Variants in PIWIL2 observed in about 807,000 individuals in gnomAD.
The protein encoded by PIWIL2 is piwi-like protein 2.
In PIWIL2, 81 loss-of-function variants were observed where a neutral mutation model predicts 116.5. The observed-to-expected ratio is 0.70, with a 90% CI of 0.58 to 0.84. The LOEUF (loss-of-function observed/expected upper bound fraction) is 0.84, where lower values mean the gene tolerates loss of function less well. Ranked by LOEUF, PIWIL2 falls within the 40% of genes least tolerant of loss-of-function variation. The pLI is 0.00. For synonymous variants in PIWIL2, 489 were observed against 429.5 expected (o/e 1.14, Z -1.71); for missense variants, 1,272 against 1,212.3 (o/e 1.05, Z -0.73).
At chr8:22,287,831 A>G (rs567145222) in intron 7 of PIWIL2, among the ~76,000 whole-genome samples, 186 bp downstream of exon 7, 2 of 152,326 alleles carry the variant, frequency 1.3e-5, no homozygotes, top group African/African-American at 4.8e-5. Context: ...TTTGAGGGGT[A>G]GGAAACCATA....
intron 20 of PIWIL2, among the ~76,000 whole-genome samples, chr8:22,339,250 G>A (rs1452661346): frequency 1.3e-5 from 2 of 152,292 alleles, no homozygotes; most frequent in Admixed American, 1.3e-4. Flanking sequence ...GCTCATGCCT[G>A]TAATCCCAGC....
chr8:22,333,887 A>G (rs950877107), intron 20 of PIWIL2, among the ~76,000 whole-genome samples: 2 of 152,082 alleles, frequency 1.3e-5, no homozygotes, highest in Non-Finnish European at 2.9e-5. Context: ...TCAGATTCAC[A>G]GAGGCAGATG....
chr8:22,337,748 T>C (rs1472146251), intron 20 of PIWIL2, among the ~76,000 whole-genome samples: 1 of 151,006 alleles, frequency 6.6e-6, no homozygotes, highest in Non-Finnish European at 1.5e-5. Flanking sequence ...AAATTAATAA[T>C]AAATAAATAA....
At chr8:22,299,790 GC>G (rs1414067715) in intron 10 of PIWIL2, among the ~76,000 whole-genome samples, 1 of 152,144 alleles carries the variant, frequency 6.6e-6, no homozygotes, top group African/African-American at 2.4e-5. Flanking sequence ...TCTCTCTGAA[GC>G]CTCTTCCCAC....
intron 1 of PIWIL2, chr8:22,275,778 C>G (rs1830351357): frequency 6.6e-6 from 1 of 152,336 alleles, no homozygotes; most frequent in Non-Finnish European, 1.5e-5. Flanking sequence ...GCCCGAGTCG[C>G]GAGGCCTCAG....
At chr8:22,277,025 A>C (rs1373912439) in intron 1 of PIWIL2, among the ~76,000 whole-genome samples, 1 of 134,636 alleles carries the variant, frequency 7.4e-6, no homozygotes, top group African/African-American at 3.1e-5. Flanking sequence ...AGTGATATAT[A>C]TATATATATT....
intron 6 of PIWIL2, among the ~76,000 whole-genome samples, chr8:22,284,590 A>T (rs1396858295): frequency 6.6e-6 from 1 of 152,036 alleles, no homozygotes; most frequent in Non-Finnish European, 1.5e-5. Context: ...ATGATCTTTT[A>T]ACTTATTTTG....
At chr8:22,347,111 C>T (rs1354092341) in intron 20 of PIWIL2, among the ~76,000 whole-genome samples, 3 of 148,582 alleles carry the variant, frequency 2.0e-5, no homozygotes, top group African/African-American at 5.0e-5. Context: ...GTTCAGACTG[C>T]ATGAGCCATC....
intron 4 of PIWIL2, among the ~76,000 whole-genome samples, chr8:22,281,767 A>ATTTTTTTTTTT (rs1313870060): frequency 8.4e-6 from 1 of 118,542 alleles, no homozygotes; most frequent in Non-Finnish European, 1.8e-5. Context: ...GATCATGGTG[A>ATTTTTTTTTTT]TTTTTTTTTT....
intron 20 of PIWIL2, among the ~76,000 whole-genome samples, chr8:22,351,440 C>CATATATATATATATATATATATAT (rs71544885): frequency 2.5e-4 from 13 of 52,920 alleles, no homozygotes; most frequent in East Asian, 1.3e-3. Context: ...TGCATACATA[C>CATATATATATATATATATATATAT]ATATATATAT....
Position 22,353,018 on chromosome 8 carries a change from A to C in PIWIL2, c.2463A>C (p.Gln821His). ...ACCGTGATGGAGTGTCTGATGGCCA[A>C]CTGAAGACAGTTGCCAACTATGAGA... ...VVYRDGVSDG[Q>H]LKTVANYEIP... Residue 821 changes from glutamine to histidine, a missense_variant, in exon 21 of 23, where the codon CAA becomes CAC. Gln to His is a conservative substitution (Grantham distance 24). Transcript: ENST00000356766. 2 of 1,613,644 alleles carry C rather than the reference A, an allele frequency of 1.2e-6. No homozygotes were observed. Among genetic ancestry groups the C allele is most frequent in the South Asian group, 1.1e-5 (1 of 91,074 alleles).
intron 20 of PIWIL2, 130 bp downstream of exon 20, chr8:22,318,405 C>CAT: frequency 1.8e-6 from 1 of 566,418 alleles, no homozygotes; most frequent in Non-Finnish European, 3.2e-6. Context: ...GCAACCTCTG[C>CAT]CTCCTGGGTT....
chr8:22,294,079 T>G (rs1830827989), intron 10 of PIWIL2, among the ~76,000 whole-genome samples: 1 of 152,210 alleles, frequency 6.6e-6, no homozygotes, highest in Non-Finnish European at 1.5e-5. Flanking sequence ...GGCTCACCTC[T>G]GTAATCCTGA....
Position 22,351,726 on chromosome 8 carries a change from C to T in PIWIL2, c.2404-1233C>T, listed in dbSNP as rs186246036. 3.9e-3 allele frequency among the ~76,000 whole-genome samples: 595 copies of T among 150,728 alleles called. 5 individuals carry two copies. Among genetic ancestry groups the T allele is most frequent in the African/African-American group, 0.014 (572 of 41,112 alleles). On this transcript the variant is annotated intron_variant, in intron 20 of 22. Coordinates refer to ENST00000356766, the MANE Select transcript of PIWIL2 (RefSeq NM_018068.5). ...CTAATTTTTGTATTTTTAGTAGAGACGAGGGTTTCACCATGTTGGCCAGGG... is the reference window on the plus strand; with the variant it reads ...CTAATTTTTGTATTTTTAGTAGAGATGAGGGTTTCACCATGTTGGCCAGGG...
At chr8:22,348,446 C>T (rs1255525410) in intron 20 of PIWIL2, among the ~76,000 whole-genome samples, 5 of 151,946 alleles carry the variant, frequency 3.3e-5, no homozygotes, top group African/African-American at 1.2e-4. Flanking sequence ...GACCCTTGCC[C>T]CTCTGCGCAG....
intron 20 of PIWIL2, among the ~76,000 whole-genome samples, chr8:22,323,801 C>T (rs1293342761): frequency 6.6e-6 from 1 of 152,168 alleles, no homozygotes; most frequent in Non-Finnish European, 1.5e-5. Flanking sequence ...TAAAGTGTCT[C>T]CCAGATATGT....
At chr8:22,354,853 T>C (rs911896417) in intron 22 of PIWIL2, among the ~76,000 whole-genome samples, 3 of 152,200 alleles carry the variant, frequency 2.0e-5, no homozygotes, top group Non-Finnish European at 2.9e-5. Flanking sequence ...GCGGATCACC[T>C]GAGGCCAGGA....
chr8:22,297,536 G>T (rs773607078), intron 10 of PIWIL2, among the ~76,000 whole-genome samples: 10 of 151,758 alleles, frequency 6.6e-5, no homozygotes, highest in Admixed American at 2.6e-4. Flanking sequence ...ATCTAGTTGT[G>T]ATTTCTGTTA....
At chr8:22,294,957 T>C (rs1830861494) in intron 10 of PIWIL2, among the ~76,000 whole-genome samples, 1 of 148,356 alleles carries the variant, frequency 6.7e-6, no homozygotes, top group Non-Finnish European at 1.5e-5. Context: ...CGCAGGGCTG[T>C]AGTCCCAGCT....
Sources: allele counts gnomAD v4.1 joint callset (sites outside exome capture counted in the v4.1 genomes callset), GRCh38; gene constraint gnomAD v4.1.1; transcripts MANE v1.5; gene names NCBI Gene and HGNC (gene_info 2026-07-23, HGNC 2026-07-21).